Variants in ITGB3 observed in about 807,000 individuals in gnomAD.
The protein encoded by ITGB3 is integrin beta-3.
ITGB3 carries 48 observed loss-of-function variants against 85.8 expected under a neutral mutation model. The observed-to-expected ratio is 0.56, with a 90% CI of 0.44 to 0.71. The LOEUF (loss-of-function observed/expected upper bound fraction) is 0.71, where lower values mean the gene tolerates loss of function less well. ITGB3 is among the 30% of genes least tolerant of loss of function. The pLI is 0.00. For synonymous variants in ITGB3, 363 were observed against 395.6 expected, an observed-to-expected ratio of 0.92 and a Z score of 0.98; for missense variants, 861 against 1,019.1, an observed-to-expected ratio of 0.84 and a Z score of 2.11.
At position 47,307,484 on chromosome 17, in the gene ITGB3, C is replaced by G; in HGVS notation, c.2148C>G (p.Gly716=). The change falls in exon 14 of 15, where the codon GGC becomes GGG. Residue 716 remains glycine, a synonymous_variant. Coordinates refer to ENST00000559488, the MANE Select transcript of ITGB3 (RefSeq NM_000212.3). ...YVVEEPECPK[G]PDILVVLLSV... ...TCTTCCTCACAGAGTGTCCCAAGGGCCCTGACATCCTGGTGGTCCTGCTCT... is the reference window on the plus strand; with the variant it reads ...TCTTCCTCACAGAGTGTCCCAAGGGGCCTGACATCCTGGTGGTCCTGCTCT... The G allele has an allele frequency of 6.2e-7, 1 of 1,614,084 alleles. No individual in the cohort carries two copies. The highest frequency in any genetic ancestry group is 8.5e-7 in the Non-Finnish European group (1 of 1,180,014).
chr17:47,260,228 G>A (rs921476062), intron 1 of ITGB3, among the ~76,000 whole-genome samples: 2 of 152,166 alleles, frequency 1.3e-5, no homozygotes, highest in African/African-American at 4.8e-5. Flanking sequence ...AGCTTGCTGG[G>A]TGACTTTGAA....
chr17:47,274,228 C>T (rs2065054938), intron 1 of ITGB3, among the ~76,000 whole-genome samples, 191 bp from the exon 2 acceptor site: 1 of 152,190 alleles, frequency 6.6e-6, no homozygotes, highest in South Asian at 2.1e-4. Flanking sequence ...TGAGTTTCTC[C>T]TGATTTTCCT....
At chr17:47,266,676 C>T (rs2143047541) in intron 1 of ITGB3, among the ~76,000 whole-genome samples, 1 of 152,220 alleles carries the variant, frequency 6.6e-6, no homozygotes, top group Non-Finnish European at 1.5e-5. Flanking sequence ...CTCCCAGGTC[C>T]AGCTGATTTT....
At chr17:47,258,221 C>T (rs1458374383) in intron 1 of ITGB3, among the ~76,000 whole-genome samples, 1 of 152,180 alleles carries the variant, frequency 6.6e-6, no homozygotes, top group Non-Finnish European at 1.5e-5. Context: ...TCTTCCTGAA[C>T]CTTGGCCCTT....
At chr17:47,267,106 ACAG>A (rs765140204) in intron 1 of ITGB3, among the ~76,000 whole-genome samples, 1 of 152,168 alleles carries the variant, frequency 6.6e-6, no homozygotes, top group South Asian at 2.1e-4. Flanking sequence ...AATATAAATT[ACAG>A]CAGCAGCAGC....
intron 13 of ITGB3, among the ~76,000 whole-genome samples, chr17:47,305,175 G>A (rs1462862998): frequency 6.6e-6 from 1 of 152,148 alleles, no homozygotes. Context: ...ATAATTGAGG[G>A]TCAGCCCTAC....
chr17:47,277,979 G>A (rs2065069685), intron 2 of ITGB3, among the ~76,000 whole-genome samples: 1 of 152,146 alleles, frequency 6.6e-6, no homozygotes, highest in African/African-American at 2.4e-5. Flanking sequence ...CATCTTGAGA[G>A]TTTTGCTCCA....
chr17:47,300,754 G>A (rs993783102), intron 12 of ITGB3, among the ~76,000 whole-genome samples, 176 bp downstream of exon 12: 16 of 152,166 alleles, frequency 1.1e-4, no homozygotes, highest in Non-Finnish European at 2.2e-4. Context: ...TCTGAGAGTT[G>A]TCCTCCTCTC....
intron 3 of ITGB3, 91 bp from the exon 4 acceptor site, chr17:47,284,352 A>C (rs958495233): frequency 1.3e-6 from 2 of 1,511,250 alleles, no homozygotes; most frequent in African/African-American, 1.4e-5. Context: ...TGCTTTGATC[A>C]TGCAATTTCT....
At chr17:47,256,708 A>G (rs942044605) in intron 1 of ITGB3, among the ~76,000 whole-genome samples, 3 of 152,128 alleles carry the variant, frequency 2.0e-5, no homozygotes, top group Non-Finnish European at 4.4e-5. Context: ...GATAGCATCA[A>G]GTTTTTCATT....
intron 1 of ITGB3, 26 bp downstream of exon 1, chr17:47,253,966 G>C: frequency 7.3e-7 from 1 of 1,362,610 alleles, no homozygotes; most frequent in East Asian, 3.1e-5. Context: ...GCTCGGCAGC[G>C]TCGCAGCTGC....
At chr17:47,304,956 T>G (rs888106472) in intron 13 of ITGB3, among the ~76,000 whole-genome samples, 4 of 152,150 alleles carry the variant, frequency 2.6e-5, no homozygotes, top group Non-Finnish European at 5.9e-5. Context: ...TACCCAGACT[T>G]CTCTGACCTT....
chr17:47,276,461 C>T (rs1240648405), intron 2 of ITGB3, among the ~76,000 whole-genome samples: 1 of 152,174 alleles, frequency 6.6e-6, no homozygotes. Flanking sequence ...TAGATCAGAG[C>T]ATGACATAGG....
At chr17:47,258,478 G>T (rs2064998122) in intron 1 of ITGB3, among the ~76,000 whole-genome samples, 5 of 151,136 alleles carry the variant, frequency 3.3e-5, no homozygotes, top group Admixed American at 3.3e-4. Flanking sequence ...TTTATGTACA[G>T]TAAAATTCAC....
At position 47,313,106 on chromosome 17, in the gene ITGB3, C is replaced by T. The variant is rs9916007; in HGVS notation, c.*2902C>T. Among the ~76,000 whole-genome samples the T allele has an allele frequency of 0.64, 96,177 of 151,158 alleles. 31,038 individuals are homozygous for T. The highest frequency in any genetic ancestry group is 0.75 in the African/African-American group (30,822 of 41,320). On this transcript the variant is annotated 3_prime_UTR_variant, in exon 15 of 15. Coordinates refer to ENST00000559488, the MANE Select transcript of ITGB3 (RefSeq NM_000212.3). ...CTCCTGCCTCAGCCTCCCCAGTAGC[C>T]GGGATTACAGGCACCCGCCACCACA...
intron 10 of ITGB3, among the ~76,000 whole-genome samples, chr17:47,294,963 G>A (rs2065140174): frequency 6.6e-6 from 1 of 152,058 alleles, no homozygotes; most frequent in Non-Finnish European, 1.5e-5. Flanking sequence ...GGTCTTCATG[G>A]TTGCTCATGA....
In ITGB3 at chr17:47,283,461, G is replaced by A. The variant is rs776079585; in HGVS notation, c.273G>A (p.Glu91=). ...CAGTGAGTGAGGCCCGAGTACTAGA[G>A]GACAGGCCCCTCAGCGACAAGGGCT... ...EFPVSEARVL[E]DRPLSDKGSG... Residue 91 remains glutamate (E), a synonymous_variant, in exon 3 of 15, where the codon GAG becomes GAA. Coordinates refer to ENST00000559488, the MANE Select transcript of ITGB3 (RefSeq NM_000212.3). 2 of 1,614,112 alleles carry A rather than the reference G, an allele frequency of 1.2e-6. No individual in the cohort carries two copies. Among genetic ancestry groups the A allele is most frequent in the Admixed American group, 3.3e-5 (2 of 60,000 alleles).
At chr17:47,297,414 C>T (rs926008512) in intron 10 of ITGB3, among the ~76,000 whole-genome samples, 3 of 152,078 alleles carry the variant, frequency 2.0e-5, no homozygotes, top group African/African-American at 4.8e-5. Flanking sequence ...ACAGCTCTTT[C>T]GGAGGGCAAG....
rs1056005128 is a variant in ITGB3 at position 47,313,101 on chromosome 17, G to A, written c.*2897G>A. Among the ~76,000 whole-genome samples the A allele has an allele frequency of 6.6e-6, 1 of 152,014 alleles. No individual in the cohort carries two copies. Among genetic ancestry groups the A allele is most frequent in the African/African-American group, 2.4e-5 (1 of 41,388 alleles). On this transcript the variant is annotated 3_prime_UTR_variant, in exon 15 of 15. Transcript: ENST00000559488. ...CCATTCTCCTGCCTCAGCCTCCCCA[G>A]TAGCCGGGATTACAGGCACCCGCCA...
Sources: gnomAD v4.1 joint callset for allele counts (sites outside exome capture counted in the v4.1 genomes callset) on GRCh38, gnomAD v4.1.1 for gene constraint, MANE v1.5 for transcripts, NCBI Gene and HGNC (gene_info 2026-07-23, HGNC 2026-07-21) for gene names.